KRT74: variants seen among roughly 807,000 people sequenced by gnomAD.
KRT74 encodes keratin 74.
A neutral mutation model predicts 42.7 loss-of-function variants in KRT74; 43 were observed. The observed-to-expected ratio is 1.01, with a 90% CI of 0.79 to 1.30. The LOEUF (loss-of-function observed/expected upper bound fraction) is 1.30, where lower values mean the gene tolerates loss of function less well. KRT74 is among the 50% of genes most tolerant of loss of function. The probability of loss-of-function intolerance (pLI) is 0.00; values close to 1 mark genes in which losing one functional copy is unlikely to be tolerated. For missense variants in KRT74, 736 were observed against 689.1 expected, an observed-to-expected ratio of 1.07 and a Z score of -0.76; for synonymous variants, 302 against 279.0, an observed-to-expected ratio of 1.08 and a Z score of -0.82.
intron 5 of KRT74, 134 bp from the exon 6 acceptor site, chr12:52,570,118 T>G (rs555829983): frequency 4.0e-6 from 4 of 1,005,524 alleles, no homozygotes; most frequent in Admixed American, 4.0e-5. Flanking sequence ...GACAGGGTCC[T>G]GGGGGCCCAG....
intron 6 of KRT74, among the ~76,000 whole-genome samples, chr12:52,568,970 G>A (rs1357578128): frequency 1.3e-5 from 2 of 152,194 alleles, no homozygotes; most frequent in Non-Finnish European, 2.9e-5. Context: ...CATCTGGGGG[G>A]CATTGCGATG....
intron 2 of KRT74, 27 bp from the exon 3 acceptor site, chr12:52,572,031 TAG>T: frequency 6.6e-7 from 1 of 1,507,380 alleles, no homozygotes; most frequent in Non-Finnish European, 9.2e-7. Context: ...TAGATGGCCT[TAG>T]CCCCCTTAGC....
chr12:52,569,150 G>A (rs1446322548), intron 6 of KRT74, among the ~76,000 whole-genome samples: 1 of 152,118 alleles, frequency 6.6e-6, no homozygotes, highest in Non-Finnish European at 1.5e-5. Flanking sequence ...CACTAGCAGA[G>A]CAGACCTGGT....
rs1228071218 is a variant in KRT74 at position 52,572,646 on chromosome 12, T to C, written c.493A>G (p.Asn165Asp). The stretch of plus-strand genomic sequence containing the variant: ...TCCCACTTGGTTTCTAGAACCTGGT[T>C]CTGCTGCTCTAGGAAGCGTACCTGG... Reference protein sequence around the residue: ...IDKVRFLEQQNQVLETKWELL... With the variant: ...IDKVRFLEQQDQVLETKWELL... Residue 165 changes from asparagine to aspartate, a missense_variant, in exon 2 of 9, where the codon AAC becomes GAC. Transcript: ENST00000305620. The C allele has an allele frequency of 6.2e-7, 1 of 1,614,190 alleles. No homozygotes were observed. Among genetic ancestry groups the C allele is most frequent in the African/African-American group, 1.3e-5 (1 of 75,050 alleles).
intron 6 of KRT74, 156 bp from the exon 7 acceptor site, chr12:52,568,545 C>A: frequency 1.3e-6 from 1 of 765,990 alleles, no homozygotes; most frequent in South Asian, 1.7e-5. Context: ...CTTCTATTTT[C>A]TATTGCAGAG....
rs368590960 is a variant in KRT74, at chr12:52,568,634, C to T, written c.1135-245G>A. On this transcript the variant is annotated intron_variant, in intron 6 of 8. Coordinates refer to ENST00000305620, the MANE Select transcript of KRT74 (RefSeq NM_175053.4). ...GGTCAGGAAGAAATGTCGATGTTTG[C>T]AAAGTTAGATAGTGCCTGAGACCGG... 3.6e-5 allele frequency: 21 copies of T among 576,192 alleles called. No homozygotes were observed. In the East Asian group the frequency reaches 4.5e-4, roughly 12 times the overall value. 35.7% of individuals were successfully genotyped at this position (576,192 alleles called of 1,614,324 possible).
chr12:52,572,713 C>G, intron 1 of KRT74, 46 bp from the exon 2 acceptor site: 2 of 1,541,686 alleles, frequency 1.3e-6, no homozygotes, highest in Non-Finnish European at 9.0e-7. Flanking sequence ...TGGGTGCAGT[C>G]ATGCCCCCTG....
At position 52,566,793 on chromosome 12, in the gene KRT74, G is replaced by A; in HGVS notation, c.*176C>T. ...TCCACATGGGACCTAAGGAAACAGG[G>A]AAGGTGACTGTGTCAATCAGAGCTT... On this transcript the variant is annotated 3_prime_UTR_variant, in exon 9 of 9. Coordinates refer to ENST00000305620, the MANE Select transcript of KRT74 (RefSeq NM_175053.4). 1 of 522,386 alleles carries A rather than the reference G, an allele frequency of 1.9e-6. No homozygotes were observed. 32.4% of individuals were successfully genotyped at this position (522,386 alleles called of 1,614,324 possible).
intron 7 of KRT74, 125 bp from the exon 8 acceptor site, chr12:52,567,818 A>G: frequency 1.3e-6 from 1 of 765,348 alleles, no homozygotes; most frequent in Non-Finnish European, 2.3e-6. Context: ...CGAAACTGAC[A>G]CTATCGCCTT....
rs142401177 is a variant in KRT74 at position 52,573,480 on chromosome 12, C to T, written c.298G>A (p.Gly100Arg). The T allele has an allele frequency of 5.0e-3, 8,012 of 1,614,192 alleles. 45 individuals are homozygous for T. Among genetic ancestry groups the T allele is most frequent in the Non-Finnish European group, 5.3e-3 (6,304 of 1,180,050 alleles). ...AGSMFGSVAL[G>R]PACLSVCPPG... ...GGGCACACAGACAAACATGCAGGCC[C>T]CAGGGCCACACTGCCAAACATACTG... Residue 100 changes from glycine (G) to arginine (R), a missense_variant, in exon 1 of 9, where the codon GGG (glycine) becomes AGG (arginine). Coordinates refer to ENST00000305620, the MANE Select transcript of KRT74 (RefSeq NM_175053.4).
chr12:52,573,229 T>C, intron 1 of KRT74, 78 bp downstream of exon 1: 1 of 1,371,388 alleles, frequency 7.3e-7, no homozygotes, highest in Non-Finnish European at 1.0e-6. Context: ...CCAGCCACAG[T>C]GTGCAGTCCA....
rs368773340 is a variant in KRT74 at position 52,570,809 on chromosome 12, C to T, written c.868G>A (p.Ala290Thr). ...GACAGGATGACAGAGGTCTCACTGG[C>T]GTGAGTCTGGATCTGAGCGATCTCC... Reference protein sequence around the residue: ...DAEIAQIQTHASETSVILSMD... With the variant: ...DAEIAQIQTHTSETSVILSMD... Residue 290 changes from alanine (A) to threonine (T), a missense_variant, in exon 5 of 9, where the codon GCC becomes ACC. By Grantham distance (58) the Ala-to-Thr change is moderately conservative (BLOSUM62 0). Coordinates refer to ENST00000305620, the MANE Select transcript of KRT74 (RefSeq NM_175053.4). 4.6e-5 allele frequency: 75 copies of T among 1,614,128 alleles called. No individual in the cohort carries two copies. Among genetic ancestry groups the T allele is most frequent in the South Asian group, 5.5e-5 (5 of 91,092 alleles).
chr12:52,571,492 C>G, intron 3 of KRT74, 38 bp from the exon 4 acceptor site: 1 of 1,446,082 alleles, frequency 6.9e-7, no homozygotes, highest in Non-Finnish European at 9.7e-7. Flanking sequence ...GGATGCAACC[C>G]TCATCCCACA....
At position 52,569,861 on chromosome 12, in the gene KRT74, G is replaced by A. The variant is rs964425929; in HGVS notation, c.1132C>T (p.Gln378Ter). 2 of 1,614,142 alleles carry A rather than the reference G, an allele frequency of 1.2e-6. No homozygotes were observed. Among genetic ancestry groups the A allele is most frequent in the East Asian group, 2.2e-5 (1 of 44,872 alleles). The change falls in exon 6 of 9, where the codon CAG becomes TAG. Residue 378 changes from glutamine (Q) to a stop codon, truncating the protein, a stop_gained and splice_region_variant. Coordinates refer to ENST00000305620, the MANE Select transcript of KRT74 (RefSeq NM_175053.4). LOFTEE classifies it high-confidence loss of function. ...TTCTTTGTGGGGCTGCTGCCCACCT[G>A]CTTCTTCACATTCCCGATCTCACAC... is the stretch of plus-strand genomic sequence containing the variant. ...IRCEIGNVKK[Q>*]RASLETAIAD... is the part of the protein sequence containing the mutation.
intron 6 of KRT74, chr12:52,569,423 T>C (rs1459811634): frequency 3.4e-6 from 2 of 589,294 alleles, no homozygotes; most frequent in African/African-American, 1.9e-5. Context: ...GCATACCCTC[T>C]GCACCCCACA....
In KRT74 at chr12:52,566,956, T is replaced by G. The variant is rs1939391540; in HGVS notation, c.*13A>C. 6.2e-7 allele frequency: 1 copy of G among 1,602,504 alleles called. No homozygotes were observed. Among genetic ancestry groups the G allele is most frequent in the Non-Finnish European group, 8.5e-7 (1 of 1,172,914 alleles). On this transcript the variant is annotated 3_prime_UTR_variant, in exon 9 of 9. Transcript: ENST00000305620. ...CTCTTCTTCCAAGTGCTGAGGTGGG[T>G]GAGGCCATGGGTCTAGCGGGTGGCT... is the stretch of plus-strand genomic sequence containing the variant.
Position 52,566,973 on chromosome 12 carries a change from C to T in KRT74, c.1586G>A (p.Arg529His), listed in dbSNP as rs555198932. The T allele has an allele frequency of 9.3e-6, 15 of 1,609,428 alleles. No homozygotes were observed. The highest frequency in any genetic ancestry group is 1.8e-4 in the Middle Eastern group (1 of 5,582). Residue 529 changes from arginine (R) to histidine (H), a missense_variant, in exon 9 of 9, where the codon CGC becomes CAC. Coordinates refer to ENST00000305620, the MANE Select transcript of KRT74 (RefSeq NM_175053.4). ...GAGGTGGGTGAGGCCATGGGTCTAG[C>T]GGGTGGCTTTCCTTGCTGGGATGCT... ...PASIPARKAT[R>H]
intron 7 of KRT74, 33 bp downstream of exon 7, chr12:52,568,136 C>T (rs1256689481): frequency 1.9e-6 from 3 of 1,612,816 alleles, no homozygotes; most frequent in Non-Finnish European, 2.5e-6. Flanking sequence ...ACACCCCAGT[C>T]CCTTCTCACA....
chr12:52,568,243 C>A lies in KRT74; in HGVS notation c.1281G>T (p.Glu427Asp), dbSNP rs752157365. 1 of 1,614,198 alleles carries A rather than the reference C, an allele frequency of 6.2e-7. No homozygotes were observed. Among genetic ancestry groups the A allele is most frequent in the Admixed American group, 1.7e-5 (1 of 60,028 alleles). The change falls in exon 7 of 9, where the codon GAG becomes GAT. Residue 427 changes from glutamate to aspartate, a missense_variant. By Grantham distance (45) the Glu-to-Asp change is conservative. Coordinates refer to ENST00000305620, the MANE Select transcript of KRT74 (RefSeq NM_175053.4). ...CCAGGGCCAGTTTCAGGCTCATGAG[C>A]TCCTGGTACTCGCGCAGCATCCGCG... ...ELARMLREYQ[E>D]LMSLKLALDM...
Sources: gnomAD v4.1 joint callset for allele counts (sites outside exome capture counted in the v4.1 genomes callset) on GRCh38, gnomAD v4.1.1 for gene constraint, MANE v1.5 for transcripts, NCBI Gene and HGNC (gene_info 2026-07-23, HGNC 2026-07-21) for gene names.